Variants in ABLIM2 observed in about 807,000 individuals in gnomAD.
The protein encoded by ABLIM2 is actin binding LIM protein family member 2.
Under a neutral mutation model 97.7 loss-of-function variants are expected in ABLIM2, and 53 were observed. That is an observed-to-expected ratio of 0.54 (90% CI 0.44 to 0.68). The LOEUF is 0.68. Among genes scored for constraint, ABLIM2 ranks in the 30% least tolerant of loss-of-function variants. ABLIM2 has a pLI of 0.00. For missense variants in ABLIM2, 835 were observed against 867.2 expected (o/e 0.96, Z 0.47); for synonymous variants, 361 against 345.8 (o/e 1.04, Z -0.49).
Position 8,010,228 on chromosome 4 carries a change from C to A in ABLIM2, c.1424-1126G>T, listed in dbSNP as rs76025863. On this transcript the variant is annotated intron_variant, in intron 14 of 20. Transcript: ENST00000447017. ...CACCCAGCTGGGCTGACATTTCCAG[C>A]GAAGAATGAGCAAATAAATCACACA... 4.2e-3 allele frequency among the ~76,000 whole-genome samples: 646 copies of A among 152,312 alleles called. 5 individuals carry two copies. Among genetic ancestry groups the A allele is most frequent in the African/African-American group, 0.015 (619 of 41,558 alleles).
intron 20 of ABLIM2, among the ~76,000 whole-genome samples, chr4:7,981,534 G>C (rs1162727682): frequency 1.3e-5 from 2 of 152,176 alleles, no homozygotes; most frequent in Non-Finnish European, 2.9e-5. Context: ...ACTCACATTT[G>C]GCTCAGATGA....
chr4:8,028,179 A>G (rs1778644951), intron 11 of ABLIM2, among the ~76,000 whole-genome samples: 1 of 152,236 alleles, frequency 6.6e-6, no homozygotes, highest in South Asian at 2.1e-4. Flanking sequence ...ACTCAGCTGG[A>G]GAGCAGTTCA....
At position 8,112,835 on chromosome 4, in the gene ABLIM2, G is replaced by C. The variant is rs530919581; in HGVS notation, c.11-6198C>G. On this transcript the variant is annotated intron_variant, in intron 1 of 20. Coordinates refer to ENST00000447017, the MANE Select transcript of ABLIM2 (RefSeq NM_001130083.2). The surrounding 1 kb of genome is among the most constrained non-coding windows in gnomAD (Gnocchi z 4.2). ...TGAGGCCCAGCTCAGGTGTGTCCGA[G>C]GCTCCTCCTCCCACCCCTTCCATCA... is the stretch of plus-strand genomic sequence containing the variant. Among the ~76,000 whole-genome samples, 3 of 152,268 alleles carry C rather than the reference G, an allele frequency of 2.0e-5. No homozygotes were observed. Among genetic ancestry groups the C allele is most frequent in the South Asian group, 4.1e-4 (2 of 4,820 alleles).
rs909094404 is a variant in ABLIM2 at position 8,127,098 on chromosome 4, T to A, written c.11-20461A>T. On this transcript the variant is annotated intron_variant, in intron 1 of 20. Coordinates refer to ENST00000447017, the MANE Select transcript of ABLIM2 (RefSeq NM_001130083.2). This position sits in a 1 kb window ranked among gnomAD's most constrained non-coding sequence, Gnocchi z 7.3. ...AAAAAAAAAAAATGCCTGCAGACATTGCCACATGTCCCCCTGGGAGCACAG... is the reference window on the plus strand; with the variant it reads ...AAAAAAAAAAAATGCCTGCAGACATAGCCACATGTCCCCCTGGGAGCACAG... 1.3e-5 allele frequency among the ~76,000 whole-genome samples: 2 copies of A among 150,262 alleles called. No individual in the cohort carries two copies. Among genetic ancestry groups the A allele is most frequent in the African/African-American group, 4.9e-5 (2 of 40,860 alleles).
At chr4:7,967,152 G>C in intron 20 of ABLIM2, 49 bp from the exon 21 acceptor site, 1 of 1,503,616 alleles carries the variant, frequency 6.7e-7, no homozygotes, top group South Asian at 1.1e-5. Context: ...CACGCAGCAA[G>C]GGACACCATT....
At position 8,019,006 on chromosome 4, in the gene ABLIM2, G is replaced by C. The variant is rs1771541206; in HGVS notation, c.1423+612C>G. On this transcript the variant is annotated intron_variant, in intron 14 of 20. Transcript: ENST00000447017. The surrounding 1 kb of genome is among the most constrained non-coding windows in gnomAD (Gnocchi z 4.3). ...AAATCCCAGGAGGAAAGAGAGGGGA[G>C]ACCATGTGGCCCCGATTCCTGCTCC... Among the ~76,000 whole-genome samples, 1 of 152,162 alleles carries C rather than the reference G, an allele frequency of 6.6e-6. No homozygotes were observed. Among genetic ancestry groups the C allele is most frequent in the Non-Finnish European group, 1.5e-5 (1 of 68,036 alleles).
At position 8,009,111 on chromosome 4, in the gene ABLIM2, G is replaced by GA; in HGVS notation, c.1424-10dup. ...ATCCGATCGCCTGGCAGCTGGAAGG[G>GA]AAAAATCCATTTGTAAAGGCCACAC... On this transcript the variant is annotated splice_polypyrimidine_tract_variant and intron_variant, in intron 14 of 20. Coordinates refer to ENST00000447017, the MANE Select transcript of ABLIM2 (RefSeq NM_001130083.2). 1 of 1,614,026 alleles carries GA rather than the reference G, an allele frequency of 6.2e-7. No homozygotes were observed. The highest frequency in any genetic ancestry group is 8.5e-7 in the Non-Finnish European group (1 of 1,179,900).
chr4:7,994,080 C>CTTT (rs764214617), intron 16 of ABLIM2: 285 of 59,190 alleles, frequency 4.8e-3, no homozygotes, highest in Non-Finnish European at 6.6e-3. Flanking sequence ...GGGAAGCATT[C>CTTT]TTTTTTTTTT....
intron 4 of ABLIM2, among the ~76,000 whole-genome samples, chr4:8,081,854 C>T (rs1820023139): frequency 6.6e-6 from 1 of 152,130 alleles, no homozygotes; most frequent in South Asian, 2.1e-4. Flanking sequence ...GTCAACCACC[C>T]AGGTGTGCAT....
chr4:8,086,520 G>C (rs1353198171), intron 4 of ABLIM2, among the ~76,000 whole-genome samples: 5 of 151,956 alleles, frequency 3.3e-5, no homozygotes, highest in African/African-American at 1.2e-4. Context: ...GCTAATTTTT[G>C]TACTTTTATT....
intron 8 of ABLIM2, among the ~76,000 whole-genome samples, chr4:8,045,447 G>A (rs1003858602): frequency 1.3e-5 from 2 of 152,192 alleles, no homozygotes; most frequent in Non-Finnish European, 2.9e-5. Flanking sequence ...TCAGGAGTTC[G>A]AGATCAGTCT....
intron 5 of ABLIM2, among the ~76,000 whole-genome samples, chr4:8,079,447 C>T (rs1818339031): frequency 6.6e-6 from 1 of 152,184 alleles, no homozygotes; most frequent in African/African-American, 2.4e-5. Context: ...CTGCGTGCAC[C>T]ACACCGGGCG....
rs938927977 is a variant in ABLIM2, at chr4:8,061,212, G to C, written c.676-158C>G. Among the ~76,000 whole-genome samples, 20 of 79,510 alleles carry C rather than the reference G, an allele frequency of 2.5e-4. No homozygotes were observed. The highest frequency in any genetic ancestry group is 3.2e-4 in the Non-Finnish European group (14 of 43,608). 52.2% of individuals were successfully genotyped at this position (79,510 alleles called of 152,430 possible). A position where few individuals can be genotyped will look rare whatever the true frequency, so the allele number is the denominator to read the frequency against. ...TCGGGACCCAAGACCCCTGAGCAGA[G>C]CCCAGACCCGGGGGTGCCCCCGGGC... On this transcript the variant is annotated intron_variant, in intron 6 of 20. Coordinates refer to ENST00000447017, the MANE Select transcript of ABLIM2 (RefSeq NM_001130083.2). The surrounding 1 kb of genome is among the most constrained non-coding windows in gnomAD (Gnocchi z 4.5).
At chr4:7,977,217 C>G (rs1331057983) in intron 20 of ABLIM2, among the ~76,000 whole-genome samples, 1 of 152,208 alleles carries the variant, frequency 6.6e-6, no homozygotes, top group African/African-American at 2.4e-5. Flanking sequence ...ATGTGCCTTG[C>G]TTCCCCTTTG....
chr4:8,029,586 T>TA (rs758188738), intron 11 of ABLIM2, 70 bp downstream of exon 11: 154,540 of 1,033,084 alleles, frequency 0.15, 724 homozygotes, highest in East Asian at 0.26. Context: ...AAAAAAAAAC[T>TA]AAAAAAAAAA....
intron 1 of ABLIM2, among the ~76,000 whole-genome samples, chr4:8,136,481 T>C (rs1009069923): frequency 6.6e-6 from 1 of 152,218 alleles, no homozygotes; most frequent in African/African-American, 2.4e-5. Flanking sequence ...TGCCAATAGA[T>C]GCTCTCTGTA....
intron 16 of ABLIM2, among the ~76,000 whole-genome samples, chr4:8,000,903 C>CA (rs1756692260): frequency 6.6e-6 from 1 of 152,180 alleles, no homozygotes; most frequent in Non-Finnish European, 1.5e-5. Flanking sequence ...GCTGGCTCAT[C>CA]AGAGGTCAAA....
rs1824705330 is a variant in ABLIM2, at chr4:8,087,797, T to G, written c.454+372A>C. On this transcript the variant is annotated intron_variant, in intron 4 of 20. Coordinates refer to ENST00000447017, the MANE Select transcript of ABLIM2 (RefSeq NM_001130083.2). This position sits in a 1 kb window ranked among gnomAD's most constrained non-coding sequence, Gnocchi z 4.6. ...TGGGCATTAGATGGGAAAGCAGGAGTGGCACATGGGGTGGAGGAAACAGCC... is the reference window on the plus strand; with the variant it reads ...TGGGCATTAGATGGGAAAGCAGGAGGGGCACATGGGGTGGAGGAAACAGCC... Among the ~76,000 whole-genome samples the G allele has an allele frequency of 6.6e-6, 1 of 150,582 alleles. No individual in the cohort carries two copies.
chr4:8,092,634 C>G (rs933210899), intron 3 of ABLIM2, among the ~76,000 whole-genome samples: 2 of 152,024 alleles, frequency 1.3e-5, no homozygotes, highest in African/African-American at 4.8e-5. Context: ...GGTCCTCCTC[C>G]TCCTCCCCTT....
Sources: allele counts gnomAD v4.1 joint callset (sites outside exome capture counted in the v4.1 genomes callset), GRCh38; gene constraint gnomAD v4.1.1; non-coding constraint Gnocchi (gnomAD v3.1); transcripts MANE v1.5; gene names NCBI Gene and HGNC (gene_info 2026-07-23, HGNC 2026-07-21).